Variants in CHRDL1 observed in about 807,000 individuals in gnomAD.
The protein encoded by CHRDL1 is chordin-like protein 1.
In CHRDL1, 19 loss-of-function variants were observed where a neutral mutation model predicts 40.9. The observed-to-expected ratio is 0.46, with a 90% confidence interval of 0.32 to 0.68. The LOEUF is 0.68. CHRDL1 is among the 30% of genes least tolerant of loss of function. The pLI, the probability that CHRDL1 is intolerant of heterozygous loss-of-function variation, is 0.03. For synonymous variants in CHRDL1, 136 were observed against 123.4 expected (o/e 1.10, Z -0.68); for missense variants, 329 against 352.1 (o/e 0.93, Z 0.53).
rs149743639 is a variant in CHRDL1, at chrX:110,745,992, T to A, written c.301+13669A>T. Among the ~76,000 whole-genome samples, 384 of 112,116 alleles carry A rather than the reference T, an allele frequency of 3.4e-3. 1 individual carries two copies. Among genetic ancestry groups the A allele is most frequent in the Non-Finnish European group, 5.8e-3 (308 of 53,210 alleles). On this transcript the variant is annotated intron_variant, in intron 4 of 11. Transcript: ENST00000372042. ...CTTCCATGCGTTGTGTTCCTACTTA[T>A]TGTGGAACATTTTGCATCTCTTGTT...
intron 2 of CHRDL1, among the ~76,000 whole-genome samples, chrX:110,787,160 G>A (rs1338727946): frequency 8.9e-6 from 1 of 111,857 alleles, no homozygotes; most frequent in Non-Finnish European, 1.9e-5. Flanking sequence ...AACTACTTAT[G>A]AAAAACTTAC....
intron 2 of CHRDL1, among the ~76,000 whole-genome samples, chrX:110,773,960 T>G (rs919295365): frequency 4.5e-5 from 5 of 111,022 alleles, no homozygotes; most frequent in Non-Finnish European, 7.5e-5. Context: ...ATCTATAAAT[T>G]ACTAATAAAG....
chrX:110,732,706 G>C (rs928274508), intron 4 of CHRDL1, among the ~76,000 whole-genome samples: 9 of 110,131 alleles, frequency 8.2e-5, no homozygotes, highest in Non-Finnish European at 1.5e-4. Flanking sequence ...CTTGAGGAGA[G>C]AGTGTGCAAG....
chrX:110,755,161 T>A (rs2089431350), intron 4 of CHRDL1, among the ~76,000 whole-genome samples: 1 of 111,050 alleles, frequency 9.0e-6, no homozygotes, highest in Non-Finnish European at 1.9e-5. Context: ...TTAATGACGT[T>A]CATGAGTCCT....
At chrX:110,728,575 G>A (rs898868800) in intron 4 of CHRDL1, among the ~76,000 whole-genome samples, 3 of 111,662 alleles carry the variant, frequency 2.7e-5, no homozygotes, top group Non-Finnish European at 5.6e-5. Context: ...CGACATCATT[G>A]AGCCCGTCCA....
At chrX:110,736,057 G>A (rs770376173) in intron 4 of CHRDL1, among the ~76,000 whole-genome samples, 1 of 112,572 alleles carries the variant, frequency 8.9e-6, no homozygotes, top group Non-Finnish European at 1.9e-5. Flanking sequence ...CTGGCAGAGG[G>A]TGCAAGGAAA....
intron 1 of CHRDL1, 78 bp from the exon 2 acceptor site, chrX:110,792,293 A>G: frequency 2.3e-6 from 1 of 438,471 alleles, no homozygotes; most frequent in Non-Finnish European, 3.9e-6. Flanking sequence ...TCAGGCTTCT[A>G]ACCTGCTAGA....
At chrX:110,710,592 A>T (rs766550560) in intron 6 of CHRDL1, among the ~76,000 whole-genome samples, 1 of 112,100 alleles carries the variant, frequency 8.9e-6, no homozygotes, top group Non-Finnish European at 1.9e-5. Context: ...TCTATTCAAG[A>T]AGAAATATTC....
chrX:110,685,565 C>T (rs758787899), intron 9 of CHRDL1, among the ~76,000 whole-genome samples: 10 of 112,128 alleles, frequency 8.9e-5, no homozygotes, highest in Middle Eastern at 4.6e-3. Context: ...ACCTGGTCAA[C>T]GCTTTCTTTT....
chrX:110,690,265 G>A (rs1385546227), intron 8 of CHRDL1, among the ~76,000 whole-genome samples: 1 of 104,788 alleles, frequency 9.5e-6, no homozygotes, highest in Admixed American at 1.1e-4. Context: ...AGCCAGGATG[G>A]TCTCGATCTC....
chrX:110,787,025 T>A (rs1419887836), intron 2 of CHRDL1, among the ~76,000 whole-genome samples: 1 of 111,854 alleles, frequency 8.9e-6, no homozygotes, highest in African/African-American at 3.3e-5. Flanking sequence ...GTTTTGGTTC[T>A]AGCTCTGGCT....
chrX:110,757,330 A>G (rs1329066092), intron 4 of CHRDL1, among the ~76,000 whole-genome samples: 1 of 110,913 alleles, frequency 9.0e-6, no homozygotes, highest in Non-Finnish European at 1.9e-5. Context: ...TCAAACTTAC[A>G]CATCTCATTG....
intron 2 of CHRDL1, among the ~76,000 whole-genome samples, chrX:110,775,132 G>T (rs950034302): frequency 9.0e-6 from 1 of 111,419 alleles, no homozygotes; most frequent in Non-Finnish European, 1.9e-5. Context: ...ACATTTCCAC[G>T]AATAGCCATC....
At chrX:110,735,229 T>G (rs765409017) in intron 4 of CHRDL1, among the ~76,000 whole-genome samples, 1 of 111,899 alleles carries the variant, frequency 8.9e-6, no homozygotes, top group Non-Finnish European at 1.9e-5. Flanking sequence ...GAAAACAAAA[T>G]TCTGTGCTTA....
At chrX:110,680,242 C>T (rs755602669) in intron 10 of CHRDL1, among the ~76,000 whole-genome samples, 2 of 111,667 alleles carry the variant, frequency 1.8e-5, no homozygotes, top group South Asian at 7.6e-4. Context: ...TGTGGGATGA[C>T]GAATAGTGGG....
chrX:110,683,782 G>A (rs1003442291), intron 9 of CHRDL1, among the ~76,000 whole-genome samples: 1 of 111,506 alleles, frequency 9.0e-6, no homozygotes, highest in African/African-American at 3.3e-5. Context: ...AGGGGATAGA[G>A]GCCTTGAGTT....
chrX:110,697,844 A>G (rs2070426714), intron 7 of CHRDL1, among the ~76,000 whole-genome samples: 1 of 95,274 alleles, frequency 1.0e-5, no homozygotes, highest in African/African-American at 4.7e-5. Context: ...ACACACACAC[A>G]CACACACACA....
intron 4 of CHRDL1, among the ~76,000 whole-genome samples, chrX:110,722,934 T>G (rs2070987971): frequency 9.0e-6 from 1 of 111,196 alleles, no homozygotes; most frequent in Non-Finnish European, 1.9e-5. Context: ...GGGTAAGTTA[T>G]ACCTCAATAC....
intron 6 of CHRDL1, among the ~76,000 whole-genome samples, chrX:110,706,004 A>C (rs780350240): frequency 1.8e-5 from 2 of 111,079 alleles, no homozygotes; most frequent in East Asian, 2.8e-4. Context: ...ACCCATAATT[A>C]AACTGGAATT....
Sources: allele counts gnomAD v4.1 joint callset (sites outside exome capture counted in the v4.1 genomes callset), GRCh38; gene constraint gnomAD v4.1.1; transcripts MANE v1.5; gene names NCBI Gene and HGNC (gene_info 2026-07-23, HGNC 2026-07-21).